Variants in PGCKA1 observed in about 807,000 individuals in gnomAD.
PGCKA1 encodes PDCD10 and GCKIII kinases-associated protein 1.
the PGCKA1 span, among the ~76,000 whole-genome samples, chr4:37,520,610 A>ATT: frequency 9.3e-5 from 14 of 150,278 alleles, no homozygotes; most frequent in East Asian, 3.9e-4. Context: ...TGTAACATTT[A>ATT]TTTTTTTTTC....
At chr4:37,456,818 G>T in the PGCKA1 span, among the ~76,000 whole-genome samples, 1 of 152,194 alleles carries the variant, frequency 6.6e-6, no homozygotes, top group Non-Finnish European at 1.5e-5. Context: ...AAACAGGAAA[G>T]ATACAACCAA....
chr4:37,565,469 C>G, the PGCKA1 span, among the ~76,000 whole-genome samples: 2 of 152,144 alleles, frequency 1.3e-5, no homozygotes, highest in Admixed American at 6.5e-5. Flanking sequence ...CGGGTCTAAT[C>G]TGGGGGAAGG....
chr4:37,509,210 G>T, the PGCKA1 span, among the ~76,000 whole-genome samples: 1 of 146,454 alleles, frequency 6.8e-6, no homozygotes, highest in Non-Finnish European at 1.5e-5. Context: ...CCCAGACGGG[G>T]TGGCGGCCAG....
chr4:37,481,429 C>G, the PGCKA1 span, among the ~76,000 whole-genome samples: 3 of 103,334 alleles, frequency 2.9e-5, no homozygotes, highest in Admixed American at 3.5e-4. Context: ...CGCACCACTG[C>G]ACTCCAGCCT....
chr4:37,549,730 C>A, the PGCKA1 span, among the ~76,000 whole-genome samples: 3 of 152,138 alleles, frequency 2.0e-5, no homozygotes, highest in African/African-American at 7.2e-5. Context: ...GTGTTGGACT[C>A]AGTTTATTCT....
the PGCKA1 span, among the ~76,000 whole-genome samples, chr4:37,560,104 C>T: frequency 1.3e-5 from 2 of 152,210 alleles, no homozygotes; most frequent in Non-Finnish European, 2.9e-5. Flanking sequence ...ACTTCCACTA[C>T]ATTTCACTTT....
chr4:37,532,019 A>G, the PGCKA1 span, among the ~76,000 whole-genome samples: 11 of 152,010 alleles, frequency 7.2e-5, no homozygotes, highest in Admixed American at 5.9e-4. Context: ...TGGAAATACT[A>G]TGTAATGGGG....
chr4:37,542,507 C>A, the PGCKA1 span, among the ~76,000 whole-genome samples: 3 of 152,164 alleles, frequency 2.0e-5, no homozygotes, highest in South Asian at 6.2e-4. Context: ...CTTGAATATG[C>A]TGTAAAAAAC....
At chr4:37,582,109 C>G in the PGCKA1 span, among the ~76,000 whole-genome samples, 1 of 152,166 alleles carries the variant, frequency 6.6e-6, no homozygotes, top group Admixed American at 6.5e-5. Context: ...CACAGATGCT[C>G]TCTCCACGAC....
At chr4:37,519,527 T>C in the PGCKA1 span, among the ~76,000 whole-genome samples, 1 of 152,350 alleles carries the variant, frequency 6.6e-6, no homozygotes, top group Non-Finnish European at 1.5e-5. Flanking sequence ...TTTGTAGTTA[T>C]TGTAAACAAT....
the PGCKA1 span, among the ~76,000 whole-genome samples, chr4:37,509,931 T>C: frequency 1.6e-5 from 2 of 127,490 alleles, no homozygotes; most frequent in African/African-American, 5.8e-5. Flanking sequence ...CAGCTTCGGC[T>C]GGGCATCAGA....
chr4:37,496,567 G>A, the PGCKA1 span, among the ~76,000 whole-genome samples: 6 of 152,248 alleles, frequency 3.9e-5, 1 homozygote, highest in Admixed American at 3.9e-4. Context: ...TTTTGCATAG[G>A]ATTGCCTTGG....
chr4:37,543,995 C>T, the PGCKA1 span, among the ~76,000 whole-genome samples: 1 of 152,146 alleles, frequency 6.6e-6, no homozygotes, highest in African/African-American at 2.4e-5. Flanking sequence ...TTTTATCTAT[C>T]CCTTGTCATT....
At chr4:37,519,373 T>G in the PGCKA1 span, among the ~76,000 whole-genome samples, 1 of 152,204 alleles carries the variant, frequency 6.6e-6, no homozygotes, top group East Asian at 1.9e-4. Context: ...ATGGACATTT[T>G]AATAATATTC....
the PGCKA1 span, among the ~76,000 whole-genome samples, chr4:37,580,774 G>A: frequency 6.6e-6 from 1 of 152,174 alleles, no homozygotes; most frequent in African/African-American, 2.4e-5. Context: ...TCCAATGTTT[G>A]CTCAAGGCCC....
chr4:37,529,988 T>C, the PGCKA1 span, among the ~76,000 whole-genome samples: 1 of 152,226 alleles, frequency 6.6e-6, no homozygotes, highest in Non-Finnish European at 1.5e-5. Flanking sequence ...TCTTTAAATG[T>C]CTGCTTTAAA....
the PGCKA1 span, among the ~76,000 whole-genome samples, chr4:37,528,189 G>A: frequency 6.6e-6 from 1 of 152,296 alleles, no homozygotes; most frequent in South Asian, 2.1e-4. Flanking sequence ...AGTACTGCTT[G>A]AATACTAATA....
the PGCKA1 span, among the ~76,000 whole-genome samples, chr4:37,495,047 A>C: frequency 6.6e-6 from 1 of 152,072 alleles, no homozygotes; most frequent in African/African-American, 2.4e-5. Flanking sequence ...GAAAAAAAAA[A>C]CCCCATCAAA....
the PGCKA1 span, among the ~76,000 whole-genome samples, chr4:37,533,765 A>G: frequency 6.6e-6 from 1 of 152,234 alleles, no homozygotes; most frequent in Non-Finnish European, 1.5e-5. Flanking sequence ...TATTTGACTC[A>G]TATTTGAACA....
Sources: allele counts gnomAD v4.1 joint callset (sites outside exome capture counted in the v4.1 genomes callset), GRCh38; gene constraint gnomAD v4.1.1; transcripts MANE v1.5; gene names NCBI Gene and HGNC (gene_info 2026-07-23, HGNC 2026-07-21).